CA10: variants seen among roughly 807,000 people sequenced by gnomAD.
CA10 encodes the protein carbonic anhydrase-related protein 10.
In CA10, 14 loss-of-function variants were observed where a neutral mutation model predicts 44.2. The observed-to-expected ratio is 0.32, with a 90% confidence interval of 0.21 to 0.50. The LOEUF is 0.50. CA10 is among the 20% of genes least tolerant of loss of function. The pLI is 0.99. For synonymous variants in CA10, 159 were observed against 141.6 expected (o/e 1.12, Z -0.87); for missense variants, 350 against 409.7 (o/e 0.85, Z 1.26).
intron 4 of CA10, among the ~76,000 whole-genome samples, chr17:51,677,890 C>CT (rs1273945543): frequency 2.5e-4 from 9 of 36,134 alleles, no homozygotes; most frequent in Non-Finnish European, 9.0e-4. Flanking sequence ...TATACACCCC[C>CT]CCCCCCACCG....
intron 4 of CA10, among the ~76,000 whole-genome samples, chr17:51,731,720 G>A (rs2143562068): frequency 6.8e-6 from 1 of 147,350 alleles, no homozygotes; most frequent in South Asian, 2.2e-4. Flanking sequence ...CTCTGTTGCC[G>A]AGGCTGGAGT....
intron 4 of CA10, among the ~76,000 whole-genome samples, chr17:51,664,928 GAGA>G (rs1914154426): frequency 6.6e-6 from 1 of 152,176 alleles, no homozygotes; most frequent in Non-Finnish European, 1.5e-5. Context: ...GGGGTTGACG[GAGA>G]AGACTTTTCT....
At chr17:51,842,179 A>G (rs1978326490) in intron 3 of CA10, among the ~76,000 whole-genome samples, 1 of 152,192 alleles carries the variant, frequency 6.6e-6, no homozygotes, top group Non-Finnish European at 1.5e-5. Flanking sequence ...TGAAGAAGAG[A>G]AGGTCAGATT....
intron 2 of CA10, among the ~76,000 whole-genome samples, chr17:52,048,561 C>G (rs1170546149): frequency 1.3e-5 from 2 of 151,932 alleles, no homozygotes; most frequent in Non-Finnish European, 2.9e-5. Flanking sequence ...TCAGCTGAAA[C>G]ATCAAGGAGC....
intron 3 of CA10, among the ~76,000 whole-genome samples, chr17:51,844,862 C>T (rs922918313): frequency 1.3e-5 from 2 of 152,150 alleles, no homozygotes; most frequent in African/African-American, 4.8e-5. Context: ...ATTTGATGTC[C>T]ATCAGAACCT....
At chr17:51,896,797 T>A (rs570987870) in intron 3 of CA10, among the ~76,000 whole-genome samples, 1 of 152,032 alleles carries the variant, frequency 6.6e-6, no homozygotes, top group Admixed American at 6.6e-5. Flanking sequence ...TGAGGTGGTA[T>A]CTCATTGTGG....
intron 3 of CA10, among the ~76,000 whole-genome samples, chr17:51,753,733 G>A (rs900016355): frequency 1.3e-5 from 2 of 152,184 alleles, no homozygotes; most frequent in Non-Finnish European, 2.9e-5. Flanking sequence ...GGTTTCTATG[G>A]CACTTTCCAT....
rs1904732339 is a variant in CA10 at position 51,747,516 on chromosome 17, T to C, written c.465+117A>G. 14 of 804,718 alleles carry C rather than the reference T, an allele frequency of 1.7e-5. No homozygotes were observed. In the South Asian group the frequency reaches 3.0e-4, roughly 17 times the overall value. The allele number at this position is 804,718 out of a possible 1,614,324, so 49.8% of individuals were successfully genotyped here. A position where few individuals can be genotyped will look rare whatever the true frequency, so the allele number is the denominator to read the frequency against. ...CAGATGGAGAAAGAAGGCATGGGCC[T>C]TCTCATTTCATAGATTAGAGCGAAT... On this transcript the variant is annotated intron_variant, in intron 4 of 8. Coordinates refer to ENST00000451037, the MANE Select transcript of CA10 (RefSeq NM_020178.5).
intron 3 of CA10, among the ~76,000 whole-genome samples, chr17:51,870,731 C>T (rs1293872532): frequency 6.6e-6 from 1 of 152,178 alleles, no homozygotes; most frequent in East Asian, 1.9e-4. Flanking sequence ...TGAAACAATC[C>T]TTTGCCCTCT....
At chr17:51,777,925 C>T (rs1386587835) in intron 3 of CA10, among the ~76,000 whole-genome samples, 1 of 152,118 alleles carries the variant, frequency 6.6e-6, no homozygotes, top group Non-Finnish European at 1.5e-5. Context: ...GAGCAAGACC[C>T]TGTCTCTCAC....
At chr17:51,876,160 GTTTTTTTTTT>G (rs3033579) in intron 3 of CA10, among the ~76,000 whole-genome samples, 2 of 59,796 alleles carry the variant, frequency 3.3e-5, no homozygotes, top group South Asian at 6.5e-4. Flanking sequence ...TTCTTCTCTC[GTTTTTTTTTT>G]TTTTTTTTTT....
intron 3 of CA10, among the ~76,000 whole-genome samples, chr17:51,878,873 TATATATATATA>T (rs1980221118): frequency 2.8e-4 from 7 of 25,250 alleles, no homozygotes; most frequent in East Asian, 2.6e-3. Context: ...TATATATATA[TATATATATATA>T]TATATATGGG....
intron 2 of CA10, among the ~76,000 whole-genome samples, chr17:51,935,998 G>A (rs1240248076): frequency 6.6e-6 from 1 of 152,134 alleles, no homozygotes; most frequent in African/African-American, 2.4e-5. Context: ...TTTGTCCTAA[G>A]CCAGCAGAAT....
At chr17:52,052,711 G>A (rs1270279005) in intron 2 of CA10, among the ~76,000 whole-genome samples, 1 of 151,994 alleles carries the variant, frequency 6.6e-6, no homozygotes, top group Non-Finnish European at 1.5e-5. Context: ...ATTCTCACTG[G>A]CTCCTTAGAT....
intron 2 of CA10, among the ~76,000 whole-genome samples, chr17:51,986,870 T>G (rs1984857067): frequency 6.6e-6 from 1 of 151,904 alleles, no homozygotes; most frequent in African/African-American, 2.4e-5. Flanking sequence ...GATATCGGCA[T>G]GGATGTGCTG....
At chr17:51,944,491 A>G (rs985440895) in intron 2 of CA10, among the ~76,000 whole-genome samples, 9 of 152,184 alleles carry the variant, frequency 5.9e-5, no homozygotes, top group African/African-American at 2.2e-4. Flanking sequence ...GCACAAAGAC[A>G]TTAACAAGAA....
At chr17:51,966,496 G>C (rs1277754688) in intron 2 of CA10, among the ~76,000 whole-genome samples, 1 of 151,838 alleles carries the variant, frequency 6.6e-6, no homozygotes, top group Non-Finnish European at 1.5e-5. Flanking sequence ...CATGGTACTG[G>C]TACAAAAACA....
At chr17:51,978,169 T>C (rs1264616475) in intron 2 of CA10, among the ~76,000 whole-genome samples, 1 of 152,072 alleles carries the variant, frequency 6.6e-6, no homozygotes, top group Non-Finnish European at 1.5e-5. Flanking sequence ...CAGAAACAAA[T>C]GGATTCTAAA....
At chr17:52,058,827 C>T in intron 2 of CA10, among the ~76,000 whole-genome samples, 1 of 152,090 alleles carries the variant, frequency 6.6e-6, no homozygotes, top group Non-Finnish European at 1.5e-5. Flanking sequence ...CCACTCATGT[C>T]TCACATGCCT....
Sources: gnomAD v4.1 joint callset for allele counts (sites outside exome capture counted in the v4.1 genomes callset) on GRCh38, gnomAD v4.1.1 for gene constraint, MANE v1.5 for transcripts, NCBI Gene and HGNC (gene_info 2026-07-23, HGNC 2026-07-21) for gene names.